The following HGS variants were observed in gnomAD, a reference collection of about 807,000 sequenced individuals.
The protein encoded by HGS is hepatocyte growth factor-regulated tyrosine kinase substrate.
HGS carries 63 observed loss-of-function variants against 109.7 expected under a neutral mutation model. That is an observed-to-expected ratio of 0.57 (90% confidence interval 0.47 to 0.71). HGS has a LOEUF of 0.71. Among genes scored for constraint, HGS ranks in the 30% least tolerant of loss-of-function variants. The pLI, the probability that HGS is intolerant of heterozygous loss-of-function variation, is 0.00. For missense variants in HGS, 995 were observed against 1,068.3 expected (o/e 0.93, Z 0.96); for synonymous variants, 546 against 437.3 (o/e 1.25, Z -3.10).
At position 81,690,232 on chromosome 17, in the gene HGS, AGAGT is replaced by A; in HGVS notation, c.468+4_468+7del. On this transcript the variant is annotated splice_donor_variant and coding_sequence_variant, in exon 6 of 22. Coordinates refer to ENST00000329138, the MANE Select transcript of HGS (RefSeq NM_004712.5). LOFTEE classifies it high-confidence loss of function. ...GAGCGATGCCATGTTTGCTGCCGAGAGAGTGAGTGTGGGCGGCCGCCAGGGGTTC... is the reference window on the plus strand; with the variant it reads ...GAGCGATGCCATGTTTGCTGCCGAGAGAGTGTGGGCGGCCGCCAGGGGTTC... The A allele has an allele frequency of 1.2e-6, 2 of 1,613,618 alleles. No individual in the cohort carries two copies. The highest frequency in any genetic ancestry group is 1.7e-6 in the Non-Finnish European group (2 of 1,179,760).
rs1028002305 is a variant in HGS at position 81,691,102 on chromosome 17, C to T, written c.538-345C>T. The T allele has an allele frequency of 4.5e-6, 2 of 446,300 alleles. No homozygotes were observed. The highest frequency in any genetic ancestry group is 3.7e-5 in the Admixed American group (1 of 27,224). The allele number at this position is 446,300 out of a possible 1,614,324, so 27.6% of individuals were successfully genotyped here. A position where few individuals can be genotyped will look rare whatever the true frequency, so the allele number is the denominator to read the frequency against. On this transcript the variant is annotated intron_variant, in intron 7 of 21. Transcript: ENST00000329138. This position sits in a 1 kb window ranked among gnomAD's most constrained non-coding sequence, Gnocchi z 5.3. The stretch of plus-strand genomic sequence containing the variant: ...GGCATCTTCACATCAAAACCCCCTC[C>T]AGGCTGGCAACCGGCAGTGCTTGGG...
intron 4 of HGS, among the ~76,000 whole-genome samples, chr17:81,688,141 G>A (rs1049343886): frequency 1.3e-5 from 2 of 151,860 alleles, no homozygotes; most frequent in African/African-American, 2.4e-5. Context: ...ATCGCACGCC[G>A]TCCTGCACGT....
intron 2 of HGS, among the ~76,000 whole-genome samples, chr17:81,686,028 T>G (rs1305460869): frequency 6.6e-6 from 1 of 151,992 alleles, no homozygotes; most frequent in African/African-American, 2.4e-5. Context: ...CCTCCCAAGC[T>G]CAAACGATCG....
In HGS at chr17:81,701,557, A is replaced by G. The variant is rs369342130; in HGVS notation, c.2273A>G (p.Gln758Arg). The G allele has an allele frequency of 6.4e-7, 1 of 1,571,658 alleles. No homozygotes were observed. The highest frequency in any genetic ancestry group is 1.3e-5 in the African/African-American group (1 of 74,232). Residue 758 changes from glutamine (Q) to arginine (R), a missense_variant, in exon 22 of 22, where the codon CAA becomes CGA. Gln to Arg is a conservative substitution (Grantham distance 43). Coordinates refer to ENST00000329138, the MANE Select transcript of HGS (RefSeq NM_004712.5). ...CAGCAGCAGCCCCCCGTGGCCCAGC[A>G]ACCGCAGGCACAGGGGCCGCCGGCA... The part of the protein sequence containing the change: ...PPQQQPPVAQ[Q>R]PQAQGPPAQG...
Position 81,695,013 on chromosome 17 carries a change from G to A in HGS, c.1065G>A (p.Thr355=), listed in dbSNP as rs755461230. The change falls in exon 13 of 22, where the codon ACG becomes ACA. Residue 355 remains threonine, a synonymous_variant. Coordinates refer to ENST00000329138, the MANE Select transcript of HGS (RefSeq NM_004712.5). ...SPTPSAPVPL[T]EPAAQPGEGH... ...CGCCATCTGCGCCCGTGCCCCTGACGGAGCCGGCTGCACAGCCTGGGGAAG... is the reference window on the plus strand; with the variant it reads ...CGCCATCTGCGCCCGTGCCCCTGACAGAGCCGGCTGCACAGCCTGGGGAAG... 1.5e-5 allele frequency: 25 copies of A among 1,613,934 alleles called. 1 individual carries two copies. Among genetic ancestry groups the A allele is most frequent in the East Asian group, 4.5e-5 (2 of 44,898 alleles).
intron 8 of HGS, chr17:81,692,432 T>G (rs920477897): frequency 1.3e-5 from 2 of 152,194 alleles, no homozygotes; most frequent in Non-Finnish European, 2.9e-5. Context: ...GGACATCCCA[T>G]CCAAGCCAGC....
At chr17:81,692,517 C>G (rs1009694249) in intron 8 of HGS, 1 of 152,258 alleles carries the variant, frequency 6.6e-6, no homozygotes, top group Non-Finnish European at 1.5e-5. Flanking sequence ...CCTTGAGCCA[C>G]GTCAAGTCCC....
chr17:81,700,615 C>G lies in HGS; in HGVS notation c.2016+15C>G. ...CGGGCTACCAGGTACACAGGAAGGC[C>G]GCTCCTCTCCTTCCAGGGCCAGCCC... On this transcript the variant is annotated intron_variant, in intron 19 of 21. Transcript: ENST00000329138. 3 of 1,595,314 alleles carry G rather than the reference C, an allele frequency of 1.9e-6. No homozygotes were observed. The highest frequency in any genetic ancestry group is 2.6e-6 in the Non-Finnish European group (3 of 1,169,436).
At chr17:81,685,725 G>T in intron 2 of HGS, 36 bp downstream of exon 2, 1 of 1,557,406 alleles carries the variant, frequency 6.4e-7, no homozygotes, top group Non-Finnish European at 8.8e-7. Context: ...ATGCGGAGGA[G>T]CAGCCGTGCA....
chr17:81,701,712 C>T lies in HGS; in HGVS notation c.*94C>T. On this transcript the variant is annotated 3_prime_UTR_variant, in exon 22 of 22. Transcript: ENST00000329138. ...CGTCGTCCTGCCTCCCTGTCCTCTA[C>T]TGCCGGTAGTGTCCCTTCTCTGCGA... 1 of 1,473,530 alleles carries T rather than the reference C, an allele frequency of 6.8e-7. No individual in the cohort carries two copies. The highest frequency in any genetic ancestry group is 9.0e-7 in the Non-Finnish European group (1 of 1,107,646). 91.3% of individuals were successfully genotyped at this position (1,473,530 alleles called of 1,614,324 possible).
rs1054106491 is a variant in HGS, at chr17:81,689,266, G to A, written c.415+439G>A. 4.6e-5 allele frequency among the ~76,000 whole-genome samples: 7 copies of A among 152,338 alleles called. No homozygotes were observed. The South Asian group carries it at 6.2e-4, about 14-fold the overall frequency. On this transcript the variant is annotated intron_variant, in intron 5 of 21. Transcript: ENST00000329138. Reference sequence around the variant, plus strand: ...GCCCCAGGGCAGAAAGGTGGCCAGCGTGCCAGAGGAGAGTGCAGCCGGGCC... The same window carrying A: ...GCCCCAGGGCAGAAAGGTGGCCAGCATGCCAGAGGAGAGTGCAGCCGGGCC...
At chr17:81,700,163 A>G (rs1434313782) in intron 18 of HGS, among the ~76,000 whole-genome samples, 1 of 151,882 alleles carries the variant, frequency 6.6e-6, no homozygotes, top group African/African-American at 2.4e-5. Context: ...TCAGGAGATC[A>G]AGACAATCCT....
At position 81,701,148 on chromosome 17, in the gene HGS, G is replaced by A. The variant is rs377741925; in HGVS notation, c.2223+17G>A. 11 of 1,608,280 alleles carry A rather than the reference G, an allele frequency of 6.8e-6. No homozygotes were observed. Among genetic ancestry groups the A allele is most frequent in the Non-Finnish European group, 9.4e-6 (11 of 1,175,262 alleles). ...TACCAGCAGGTGAGCCATTCCCGGG[G>A]CCTCACAGCGGCACCCGCAGGGCAC... On this transcript the variant is annotated intron_variant, in intron 21 of 21. Transcript: ENST00000329138.
chr17:81,697,026 G>A (rs776780401), intron 18 of HGS, 28 bp downstream of exon 18: 3 of 1,525,932 alleles, frequency 2.0e-6, no homozygotes, highest in East Asian at 4.6e-5. Context: ...CAGAGACCAT[G>A]CCTTTTATCC....
At chr17:81,699,838 G>C (rs1002131256) in intron 18 of HGS, among the ~76,000 whole-genome samples, 4 of 150,934 alleles carry the variant, frequency 2.7e-5, no homozygotes, top group Admixed American at 1.3e-4. Context: ...ACTTCGGGAG[G>C]CCGAGGCGGG....
chr17:81,701,416 C>G, intron 21 of HGS, 92 bp from the exon 22 acceptor site: 4 of 1,346,412 alleles, frequency 3.0e-6, no homozygotes, highest in Non-Finnish European at 4.0e-6. Flanking sequence ...ATTACAAGCA[C>G]TTGTGGGTCT....
rs376034736 is a variant in HGS, at chr17:81,688,834, C to T, written c.415+7C>T. 29 of 1,613,958 alleles carry T rather than the reference C, an allele frequency of 1.8e-5. No individual in the cohort carries two copies. The African/African-American group carries it at 3.2e-4, about 18-fold the overall frequency. ...CAGATCATGAAGGTGGAGGGTGAGT[C>T]AGGACTGAGGTTGGGACCAGGTTGA... is the stretch of plus-strand genomic sequence containing the variant. On this transcript the variant is annotated splice_region_variant and intron_variant, in intron 5 of 21. Coordinates refer to ENST00000329138, the MANE Select transcript of HGS (RefSeq NM_004712.5).
intron 3 of HGS, 29 bp from the exon 4 acceptor site, chr17:81,686,974 C>T (rs747114523): frequency 1.9e-6 from 3 of 1,595,652 alleles, no homozygotes; most frequent in South Asian, 2.2e-5. Context: ...GACCACTGGC[C>T]CAACCCTTCC....
At position 81,691,777 on chromosome 17, in the gene HGS, G is replaced by A. The variant is rs1403825404; in HGVS notation, c.662+206G>A. On this transcript the variant is annotated intron_variant, in intron 8 of 21. Transcript: ENST00000329138. The surrounding 1 kb of genome is among the most constrained non-coding windows in gnomAD (Gnocchi z 5.3). ...GGCAGGTGGGTGTGAGAGACAGGGC[G>A]CCGCGGCTCCAGGGACCGAGGCTGC... 2.1e-5 allele frequency: 12 copies of A among 562,862 alleles called. 1 individual carries two copies. Among genetic ancestry groups the A allele is most frequent in the South Asian group, 4.7e-5 (2 of 42,306 alleles). The allele number at this position is 562,862 out of a possible 1,614,324, so 34.9% of individuals were successfully genotyped here. A position where few individuals can be genotyped will look rare whatever the true frequency, so the allele number is the denominator to read the frequency against.
Sources: allele counts gnomAD v4.1 joint callset (sites outside exome capture counted in the v4.1 genomes callset), GRCh38; gene constraint gnomAD v4.1.1; non-coding constraint Gnocchi (gnomAD v3.1); transcripts MANE v1.5; gene names NCBI Gene and HGNC (gene_info 2026-07-23, HGNC 2026-07-21).